USP48: variants seen among roughly 807,000 people sequenced by gnomAD.
USP48 encodes the protein ubiquitin specific peptidase 48.
Under a neutral mutation model 150.7 loss-of-function variants are expected in USP48, and 43 were observed. The observed-to-expected ratio is 0.29, with a 90% CI of 0.22 to 0.37. The LOEUF is 0.37. Ranked by LOEUF, USP48 falls within the 10% of genes least tolerant of loss-of-function variation. The probability of loss-of-function intolerance (pLI) is 1.00; values close to 1 mark genes in which losing one functional copy is unlikely to be tolerated. For synonymous variants in USP48, 396 were observed against 425.9 expected (o/e 0.93, Z 0.86); for missense variants, 813 against 1,249.6 (o/e 0.65, Z 5.27).
intron 11 of USP48, chr1:21,728,286 T>A (rs2097745358): frequency 1.8e-6 from 2 of 1,124,678 alleles, no homozygotes. Flanking sequence ...AGTTAATATC[T>A]CACAAAATAT....
chr1:21,693,714 G>A (rs1055903360), intron 23 of USP48, among the ~76,000 whole-genome samples: 1 of 152,212 alleles, frequency 6.6e-6, no homozygotes, highest in African/African-American at 2.4e-5. Flanking sequence ...GTTTCCCAAT[G>A]ACAGGCAGAA....
chr1:21,718,426 G>A (rs973929284), intron 14 of USP48, among the ~76,000 whole-genome samples: 5 of 152,040 alleles, frequency 3.3e-5, no homozygotes, highest in African/African-American at 7.2e-5. Context: ...TTTTAATGGG[G>A]GAAGGAGAAT....
intron 1 of USP48, among the ~76,000 whole-genome samples, chr1:21,772,756 T>C (rs2097885248): frequency 7.0e-6 from 1 of 142,146 alleles, no homozygotes; most frequent in Admixed American, 7.1e-5. Context: ...ACCCCGTCTC[T>C]ACTGAAAATA....
chr1:21,742,340 T>TC, intron 8 of USP48, among the ~76,000 whole-genome samples: 1 of 152,064 alleles, frequency 6.6e-6, no homozygotes, highest in East Asian at 1.9e-4. Flanking sequence ...GGTCAGGAGT[T>TC]CGAGACCAGC....
At chr1:21,684,146 A>G (rs2097574422) in intron 25 of USP48, among the ~76,000 whole-genome samples, 1 of 152,118 alleles carries the variant, frequency 6.6e-6, no homozygotes, top group African/African-American at 2.4e-5. Context: ...TTGGATAAAT[A>G]CCACTAGTGG....
intron 1 of USP48, among the ~76,000 whole-genome samples, chr1:21,760,715 T>G (rs996829289): frequency 6.9e-6 from 1 of 145,726 alleles, no homozygotes; most frequent in African/African-American, 2.5e-5. Flanking sequence ...AAACTCTATC[T>G]CAAAAAAAAT....
At chr1:21,686,924 A>G in intron 25 of USP48, 2 of 476,744 alleles carry the variant, frequency 4.2e-6, no homozygotes, top group Non-Finnish European at 7.5e-6. Context: ...GGGCACTGCA[A>G]TCTGACTTAG....
At chr1:21,686,964 C>A in intron 25 of USP48, 1 of 547,080 alleles carries the variant, frequency 1.8e-6, no homozygotes, top group Non-Finnish European at 3.2e-6. Context: ...CCTCCACAGG[C>A]AGAGCTCACA....
At chr1:21,698,379 T>G (rs1571745291) in intron 22 of USP48, among the ~76,000 whole-genome samples, 2 of 152,234 alleles carry the variant, frequency 1.3e-5, no homozygotes, top group East Asian at 3.9e-4. Context: ...TCCCCAACAT[T>G]CTCTATCATA....
chr1:21,712,628 C>CTT lies in USP48; in HGVS notation c.1963+2759_1963+2760dup, dbSNP rs11333202. Reference sequence around the variant, plus strand: ...ACAAAAACAAAGGTAGAAAACTATCCTTTTTTTTTTTTTTTTTTGAGACAG... The same window carrying CTT: ...ACAAAAACAAAGGTAGAAAACTATCCTTTTTTTTTTTTTTTTTTTTGAGACAG... On this transcript the variant is annotated intron_variant, in intron 15 of 26. Coordinates refer to ENST00000308271, the MANE Select transcript of USP48 (RefSeq NM_032236.8). Among the ~76,000 whole-genome samples, 479 of 134,536 alleles carry CTT rather than the reference C, an allele frequency of 3.6e-3. 3 individuals are homozygous for CTT. The highest frequency in any genetic ancestry group is 0.011 in the African/African-American group (394 of 35,608). The allele number at this position is 134,536 out of a possible 152,430, so 88.3% of individuals were successfully genotyped here.
intron 21 of USP48, among the ~76,000 whole-genome samples, chr1:21,702,355 A>G (rs1196446351): frequency 1.3e-5 from 2 of 152,070 alleles, no homozygotes; most frequent in African/African-American, 4.8e-5. Flanking sequence ...AATTAATAAG[A>G]TATCTAGAGA....
chr1:21,739,216 G>GT (rs1001194870), intron 8 of USP48, among the ~76,000 whole-genome samples: 55 of 151,264 alleles, frequency 3.6e-4, no homozygotes, highest in Admixed American at 1.6e-3. Context: ...GGAAACTAAG[G>GT]TTTTTTTTTA....
chr1:21,705,914 CA>C, intron 18 of USP48, 77 bp from the exon 19 acceptor site: 2 of 1,226,248 alleles, frequency 1.6e-6, no homozygotes, highest in Non-Finnish European at 2.3e-6. Context: ...ATAATTATTT[CA>C]AAATCAGAGA....
intron 25 of USP48, 25 bp downstream of exon 25, chr1:21,687,166 A>T: frequency 2.5e-6 from 4 of 1,609,312 alleles, no homozygotes; most frequent in Non-Finnish European, 3.4e-6. Context: ...TAATCAGCAG[A>T]TTCCTAAAAC....
At chr1:21,746,037 C>T (rs926965202) in intron 8 of USP48, among the ~76,000 whole-genome samples, 1 of 152,136 alleles carries the variant, frequency 6.6e-6, no homozygotes, top group African/African-American at 2.4e-5. Flanking sequence ...CACATTCCTC[C>T]CCAACTTTCC....
At chr1:21,771,685 G>A (rs1233192738) in intron 1 of USP48, among the ~76,000 whole-genome samples, 3 of 151,858 alleles carry the variant, frequency 2.0e-5, no homozygotes, top group African/African-American at 4.8e-5. Context: ...TTTGGGAGGC[G>A]AAGGCAGGCA....
At chr1:21,753,823 TAAAAA>T (rs11308463) in intron 3 of USP48, among the ~76,000 whole-genome samples, 2 of 86,638 alleles carry the variant, frequency 2.3e-5, no homozygotes, top group African/African-American at 4.6e-5. Context: ...CGAGACTCTT[TAAAAA>T]AAAAAAAAAA....
At chr1:21,699,879 G>A (rs1313092255) in intron 22 of USP48, among the ~76,000 whole-genome samples, 3 of 151,550 alleles carry the variant, frequency 2.0e-5, no homozygotes, top group Non-Finnish European at 2.9e-5. Context: ...TTGCACAAAT[G>A]TGGCTCGAAA....
chr1:21,777,865 C>T (rs556547570), intron 1 of USP48, among the ~76,000 whole-genome samples: 79 of 151,764 alleles, frequency 5.2e-4, no homozygotes, highest in Middle Eastern at 3.4e-3. Context: ...CAGTGGCTCA[C>T]GCCTGTAATC....
Sources: allele counts gnomAD v4.1 joint callset (sites outside exome capture counted in the v4.1 genomes callset), GRCh38; gene constraint gnomAD v4.1.1; transcripts MANE v1.5; gene names NCBI Gene and HGNC (gene_info 2026-07-23, HGNC 2026-07-21).